The following ETNK1 variants were observed in gnomAD, a reference collection of about 807,000 sequenced individuals.
The protein encoded by ETNK1 is ethanolamine kinase 1, also known as putative protein product of Nbla10396.
In ETNK1, 8 loss-of-function variants were observed where a neutral mutation model predicts 45.1. That is an observed-to-expected ratio of 0.18 (90% CI 0.10 to 0.32). ETNK1 has a LOEUF of 0.32. ETNK1 is among the 10% of genes least tolerant of loss of function. The pLI is 1.00. For synonymous variants in ETNK1, 152 were observed against 151.9 expected (o/e 1.00, Z -0.01); for missense variants, 302 against 430.6 (o/e 0.70, Z 2.64).
chr12:22,676,377 A>G (rs1290401004), intron 6 of ETNK1, among the ~76,000 whole-genome samples: 1 of 152,072 alleles, frequency 6.6e-6, no homozygotes, highest in East Asian at 1.9e-4. Context: ...CATGGTGTAT[A>G]TGTGCCACAT....
In ETNK1 at chr12:22,686,360, A is replaced by C. The variant is rs527708735; in HGVS notation, c.*1406A>C. 1 of 152,344 alleles carries C rather than the reference A, an allele frequency of 6.6e-6. No homozygotes were observed. Among genetic ancestry groups the C allele is most frequent in the Non-Finnish European group, 1.5e-5 (1 of 67,820 alleles). 9.4% of individuals were successfully genotyped at this position (152,344 alleles called of 1,614,324 possible). On this transcript the variant is annotated 3_prime_UTR_variant, in exon 8 of 8. Transcript: ENST00000266517. ...CTGACAAGCTTTGCACTTCGGTCAC[A>C]TAAGTGCCCATGTACAAAGTTGGCT...
At chr12:22,658,054 C>T (rs1321253357) in intron 2 of ETNK1, among the ~76,000 whole-genome samples, 2 of 152,078 alleles carry the variant, frequency 1.3e-5, no homozygotes, top group African/African-American at 4.8e-5. Context: ...CACACCAGGC[C>T]AGTTAAATCA....
At chr12:22,664,754 A>G (rs1449961226) in intron 4 of ETNK1, among the ~76,000 whole-genome samples, 1 of 152,152 alleles carries the variant, frequency 6.6e-6, no homozygotes, top group Non-Finnish European at 1.5e-5. Flanking sequence ...GCATATTCAC[A>G]AACATGTTTG....
At chr12:22,638,251 TG>T (rs1213316582) in intron 1 of ETNK1, among the ~76,000 whole-genome samples, 4 of 142,868 alleles carry the variant, frequency 2.8e-5, no homozygotes, top group Admixed American at 7.0e-5. Context: ...GTCTTTAAGG[TG>T]GGGTTTTTTT....
intron 5 of ETNK1, 57 bp from the exon 6 acceptor site, chr12:22,673,443 G>T: frequency 2.2e-6 from 3 of 1,342,220 alleles, no homozygotes; most frequent in South Asian, 3.2e-5. Context: ...GATTATTAAG[G>T]TATGCAGAAG....
At chr12:22,651,682 C>CTTTTT (rs35611431) in intron 2 of ETNK1, among the ~76,000 whole-genome samples, 3 of 131,048 alleles carry the variant, frequency 2.3e-5, no homozygotes, top group Non-Finnish European at 3.2e-5. Context: ...AATTCTATCC[C>CTTTTT]TTTTTTTTTT....
At chr12:22,653,371 A>G (rs1953901694) in intron 2 of ETNK1, among the ~76,000 whole-genome samples, 1 of 152,106 alleles carries the variant, frequency 6.6e-6, no homozygotes, top group Non-Finnish European at 1.5e-5. Context: ...ATTTTAGGAT[A>G]GCTTTTTCTT....
intron 6 of ETNK1, 117 bp downstream of exon 6, chr12:22,673,777 A>C (rs1954133954): frequency 9.6e-7 from 1 of 1,039,944 alleles, no homozygotes; most frequent in Non-Finnish European, 1.4e-6. Context: ...TGTTCAAAAT[A>C]ATGTAAATAC....
intron 1 of ETNK1, among the ~76,000 whole-genome samples, chr12:22,639,108 CTG>C (rs1157270102): frequency 1.3e-5 from 2 of 152,130 alleles, no homozygotes; most frequent in African/African-American, 4.8e-5. Context: ...TTAAACTAGA[CTG>C]TATGCTATTG....
At chr12:22,625,885 C>T in intron 1 of ETNK1, 1 of 645,152 alleles carries the variant, frequency 1.6e-6, no homozygotes, top group Non-Finnish European at 2.9e-6. Flanking sequence ...CCTCCCACTC[C>T]CCAGTCCACG....
chr12:22,651,605 G>A (rs1953876008), intron 2 of ETNK1, among the ~76,000 whole-genome samples: 1 of 146,958 alleles, frequency 6.8e-6, no homozygotes, highest in African/African-American at 2.5e-5. Flanking sequence ...GCTCAATAGT[G>A]TTATTGCATT....
chr12:22,625,217 G>A lies in ETNK1; in HGVS notation c.-214G>A, dbSNP rs1953468972. ...CCGACAACAGGAATTTTCTCCGAGA[G>A]CGGGCCGGGCTCAGTTCAGCTGCTG... On this transcript the variant is annotated 5_prime_UTR_variant, in exon 1 of 8. Coordinates refer to ENST00000266517, the MANE Select transcript of ETNK1 (RefSeq NM_018638.5). 1.9e-6 allele frequency: 3 copies of A among 1,610,140 alleles called. No individual in the cohort carries two copies. Among genetic ancestry groups the A allele is most frequent in the Non-Finnish European group, 2.5e-6 (3 of 1,178,266 alleles).
In ETNK1 at chr12:22,687,584, T is replaced by A. The variant is rs191819215; in HGVS notation, c.*2630T>A. On this transcript the variant is annotated 3_prime_UTR_variant, in exon 8 of 8. Coordinates refer to ENST00000266517, the MANE Select transcript of ETNK1 (RefSeq NM_018638.5). ...TACTTGTATGATCTCACCTGACCAG[T>A]GATTTCTTTTCCTCCTAACCCCATG... 2.5e-4 allele frequency: 38 copies of A among 152,314 alleles called. No homozygotes were observed. Among genetic ancestry groups the A allele is most frequent in the African/African-American group, 8.9e-4 (37 of 41,496 alleles). The allele number at this position is 152,314 out of a possible 1,614,324, so 9.4% of individuals were successfully genotyped here.
rs1422337809 is a variant in ETNK1 at position 22,685,845 on chromosome 12, A to G, written c.*891A>G. 1 of 151,838 alleles carries G rather than the reference A, an allele frequency of 6.6e-6. No individual in the cohort carries two copies. Among genetic ancestry groups the G allele is most frequent in the Non-Finnish European group, 1.5e-5 (1 of 67,764 alleles). 9.4% of individuals were successfully genotyped at this position (151,838 alleles called of 1,614,324 possible). A position where few individuals can be genotyped will look rare whatever the true frequency, so the allele number is the denominator to read the frequency against. On this transcript the variant is annotated 3_prime_UTR_variant, in exon 8 of 8. Coordinates refer to ENST00000266517, the MANE Select transcript of ETNK1 (RefSeq NM_018638.5). Reference sequence around the variant, plus strand: ...AGTCACTAGTATTGCTAATTTTTGAAACAAATACACAAAATTTATCATATG... The same window carrying G: ...AGTCACTAGTATTGCTAATTTTTGAGACAAATACACAAAATTTATCATATG...
chr12:22,672,669 A>G (rs1053241215), intron 5 of ETNK1, among the ~76,000 whole-genome samples: 2 of 152,214 alleles, frequency 1.3e-5, no homozygotes, highest in African/African-American at 2.4e-5. Context: ...AGTTAGGTAG[A>G]ATTTGGATGT....
intron 4 of ETNK1, among the ~76,000 whole-genome samples, chr12:22,669,899 T>C (rs1441383577): frequency 6.6e-6 from 1 of 152,030 alleles, no homozygotes; most frequent in East Asian, 1.9e-4. Context: ...TTATATTTAT[T>C]ATAATAATAC....
chr12:22,632,381 A>G (rs1021475530), intron 1 of ETNK1, among the ~76,000 whole-genome samples: 15 of 152,036 alleles, frequency 9.9e-5, no homozygotes, highest in African/African-American at 3.4e-4. Context: ...TCTTTTTTTC[A>G]CTAGCCCTTT....
intron 2 of ETNK1, among the ~76,000 whole-genome samples, chr12:22,653,488 A>G (rs773858186): frequency 4.6e-5 from 7 of 152,078 alleles, no homozygotes; most frequent in Non-Finnish European, 8.8e-5. Context: ...ATCCATGAAC[A>G]TGGGGTGTCT....
chr12:22,634,662 A>G (rs1040566680), intron 1 of ETNK1, among the ~76,000 whole-genome samples: 4 of 152,112 alleles, frequency 2.6e-5, no homozygotes, highest in Non-Finnish European at 5.9e-5. Context: ...TGGTGCGATC[A>G]TGGCCCACTA....
Sources: gnomAD v4.1 joint callset for allele counts (sites outside exome capture counted in the v4.1 genomes callset) on GRCh38, gnomAD v4.1.1 for gene constraint, MANE v1.5 for transcripts, NCBI Gene and HGNC (gene_info 2026-07-23, HGNC 2026-07-21) for gene names.